The following PIWIL4 variants were observed in gnomAD, a reference collection of about 807,000 sequenced individuals.
PIWIL4 encodes the protein piwi like RNA-mediated gene silencing 4.
A neutral mutation model predicts 100.9 loss-of-function variants in PIWIL4; 50 were observed. The ratio of observed to expected loss-of-function variants is 0.50; its 90% CI spans 0.39 to 0.63. PIWIL4 has a LOEUF of 0.63. PIWIL4 is among the 20% of genes least tolerant of loss of function. The pLI, the probability that PIWIL4 is intolerant of heterozygous loss-of-function variation, is 0.00. For synonymous variants in PIWIL4, 342 were observed against 367.5 expected (o/e 0.93, Z 0.79); for missense variants, 887 against 1,043.3 (o/e 0.85, Z 2.06).
chr11:94,612,131 G>T (rs1054945369), intron 15 of PIWIL4, among the ~76,000 whole-genome samples: 2 of 152,082 alleles, frequency 1.3e-5, no homozygotes, highest in African/African-American at 4.8e-5. Context: ...TGATCTATCT[G>T]TTGTTAAAAG....
chr11:94,609,571 A>G (rs527568952), intron 15 of PIWIL4, among the ~76,000 whole-genome samples: 1 of 152,328 alleles, frequency 6.6e-6, no homozygotes, highest in South Asian at 2.1e-4. Flanking sequence ...TCCAGGTTGT[A>G]TGAGATGCTT....
rs557164810 is a variant in PIWIL4, at chr11:94,582,126, G to T, written c.514-1322G>T. Among the ~76,000 whole-genome samples, 152 of 152,158 alleles carry T rather than the reference G, an allele frequency of 1.0e-3. 1 individual carries two copies. The highest frequency in any genetic ancestry group is 3.4e-3 in the African/African-American group (142 of 41,506). ...TGTTTGGTGGGAGAGGTACAAGGCG[G>T]GGCTGAAGAGTTTGCTCTTAGGTGG... On this transcript the variant is annotated intron_variant, in intron 4 of 19. Transcript: ENST00000299001.
Position 94,567,593 on chromosome 11 carries a change from A to G in PIWIL4, c.75A>G (p.Gln25=), listed in dbSNP as rs747518207. Residue 25 remains glutamine, a synonymous_variant, in exon 1 of 20, where the codon CAA becomes CAG. Transcript: ENST00000299001. ...SPSATEVGRI[Q]ASPLPRSVDL... ...GTGCCACAGAAGTGGGGCGCATCCA[A>G]GCCTCGCCATTGGTGTGTAGAATGC... 30 of 1,604,834 alleles carry G rather than the reference A, an allele frequency of 1.9e-5. No homozygotes were observed. Among genetic ancestry groups the G allele is most frequent in the Non-Finnish European group, 2.4e-5 (28 of 1,175,744 alleles).
chr11:94,587,340 C>A, intron 7 of PIWIL4, 93 bp downstream of exon 7: 1 of 1,271,008 alleles, frequency 7.9e-7, no homozygotes. Flanking sequence ...GGCCCAATAT[C>A]ACAGATCTAA....
intron 2 of PIWIL4, among the ~76,000 whole-genome samples, chr11:94,574,104 C>T (rs1948202059): frequency 6.6e-6 from 1 of 152,160 alleles, no homozygotes; most frequent in South Asian, 2.1e-4. Context: ...TTCAACATGC[C>T]AGAAAGTCAG....
Position 94,587,172 on chromosome 11 carries a change from T to C in PIWIL4, c.839T>C (p.Leu280Pro). 6.2e-7 allele frequency: 1 copy of C among 1,614,198 alleles called. No homozygotes were observed. The highest frequency in any genetic ancestry group is 1.7e-5 in the Admixed American group (1 of 60,024). The change falls in exon 7 of 20, where the codon CTC becomes CCC. Residue 280 changes from leucine (L) to proline (P), a missense_variant. By Grantham distance (98) the Leu-to-Pro change is moderately conservative. Around this residue, in one of 2 missense-constraint regions of PIWIL4, gnomAD observed 741 missense variants for 930.0 expected, o/e 0.80. Coordinates refer to ENST00000299001, the MANE Select transcript of PIWIL4 (RefSeq NM_152431.3). ...ACGGTTCTGGAATTCATGACTGCTC[T>C]CTGTCAAAGAACTGGCTTGTCCTGT... ...NETVLEFMTA[L>P]CQRTGLSCFT...
intron 15 of PIWIL4, among the ~76,000 whole-genome samples, chr11:94,609,755 A>C (rs1948766516): frequency 6.6e-6 from 1 of 152,100 alleles, no homozygotes; most frequent in Non-Finnish European, 1.5e-5. Context: ...TTGATAATTG[A>C]TGCATACATT....
chr11:94,589,822 AC>A (rs1948458792), intron 8 of PIWIL4, among the ~76,000 whole-genome samples: 1 of 152,152 alleles, frequency 6.6e-6, no homozygotes, highest in Non-Finnish European at 1.5e-5. Flanking sequence ...CACAGGCACC[AC>A]ACGAATGGTC....
chr11:94,611,050 G>T (rs1442329898), intron 15 of PIWIL4, among the ~76,000 whole-genome samples: 1 of 152,072 alleles, frequency 6.6e-6, no homozygotes, highest in East Asian at 1.9e-4. Context: ...ATTGTGTATT[G>T]TTGGTGTTTT....
At chr11:94,598,472 A>T (rs576562232) in intron 11 of PIWIL4, among the ~76,000 whole-genome samples, 13 of 152,192 alleles carry the variant, frequency 8.5e-5, no homozygotes, top group Non-Finnish European at 1.8e-4. Flanking sequence ...GAGACAAATC[A>T]TCGCCACTTC....
At chr11:94,578,279 A>T (rs1303223486) in intron 4 of PIWIL4, among the ~76,000 whole-genome samples, 1 of 152,174 alleles carries the variant, frequency 6.6e-6, no homozygotes, top group Non-Finnish European at 1.5e-5. Flanking sequence ...ATTTTTATTG[A>T]CGGCTCTGCT....
intron 15 of PIWIL4, 30 bp from the exon 16 acceptor site, chr11:94,616,463 T>C: frequency 6.5e-7 from 1 of 1,537,102 alleles, no homozygotes; most frequent in East Asian, 2.3e-5. Flanking sequence ...TGAAGTTGAA[T>C]TTTACTTTTA....
chr11:94,574,541 G>T (rs959024321), intron 2 of PIWIL4, among the ~76,000 whole-genome samples: 2 of 152,150 alleles, frequency 1.3e-5, no homozygotes, highest in South Asian at 4.1e-4. Context: ...TCGCCCTGTC[G>T]CCCAGGCTGG....
At chr11:94,568,891 GC>G in intron 2 of PIWIL4, 83 bp downstream of exon 2, 2 of 1,213,750 alleles carry the variant, frequency 1.6e-6, no homozygotes, top group Non-Finnish European at 2.4e-6. Context: ...ACAGCAGTAG[GC>G]CCACCTCTTG....
intron 11 of PIWIL4, among the ~76,000 whole-genome samples, chr11:94,598,701 C>T (rs10831250): frequency 0.99 from 144,589 of 146,112 alleles, 71,543 homozygotes; most frequent in Middle Eastern, 1. Flanking sequence ...GGAATTTTTT[C>T]CATCTTTTTT....
At position 94,575,983 on chromosome 11, in the gene PIWIL4, G is replaced by A. The variant is rs977943822; in HGVS notation, c.298+853G>A. ...ATCTGTTATTTAACTAAAATAGCACGGAGATTTCTTGCTCCTACCAGATAT... is the reference window on the plus strand; with the variant it reads ...ATCTGTTATTTAACTAAAATAGCACAGAGATTTCTTGCTCCTACCAGATAT... On this transcript the variant is annotated intron_variant, in intron 3 of 19. Coordinates refer to ENST00000299001, the MANE Select transcript of PIWIL4 (RefSeq NM_152431.3). Among the ~76,000 whole-genome samples the A allele has an allele frequency of 7.2e-5, 11 of 152,234 alleles. 1 individual carries two copies. The highest frequency in any genetic ancestry group is 1.9e-4 in the East Asian group (1 of 5,186).
intron 10 of PIWIL4, among the ~76,000 whole-genome samples, chr11:94,596,345 G>T (rs1383079658): frequency 1.3e-5 from 2 of 151,700 alleles, no homozygotes; most frequent in Non-Finnish European, 1.5e-5. Context: ...AGAAAAGAGT[G>T]TGTATGTGTG....
intron 11 of PIWIL4, among the ~76,000 whole-genome samples, chr11:94,599,702 A>ATTC (rs1948609148): frequency 6.6e-6 from 1 of 152,186 alleles, no homozygotes; most frequent in Non-Finnish European, 1.5e-5. Flanking sequence ...TGGAAGTCAG[A>ATTC]TAAGTCAGAG....
chr11:94,619,447 C>A (rs1027189496), intron 17 of PIWIL4, among the ~76,000 whole-genome samples: 4 of 152,056 alleles, frequency 2.6e-5, no homozygotes, highest in African/African-American at 9.7e-5. Context: ...CATCTTGTCT[C>A]CATGGATAAT....
Sources: allele counts gnomAD v4.1 joint callset (sites outside exome capture counted in the v4.1 genomes callset), GRCh38; gene constraint gnomAD v4.1.1; regional missense constraint gnomAD v4.1.1; transcripts MANE v1.5; gene names NCBI Gene and HGNC (gene_info 2026-07-23, HGNC 2026-07-21).